ERCC6L2: variants seen among roughly 807,000 people sequenced by gnomAD.
ERCC6L2 encodes ERCC excision repair 6 like 2.
In ERCC6L2, 77 loss-of-function variants were observed where a neutral mutation model predicts 132.0. The ratio of observed to expected loss-of-function variants is 0.58; its 90% CI spans 0.49 to 0.71. ERCC6L2 has a LOEUF of 0.71. ERCC6L2 is among the 30% of genes least tolerant of loss of function. The pLI is 0.00. For missense variants in ERCC6L2, 1,542 were observed against 1,837.6 expected, an observed-to-expected ratio of 0.84 and a Z score of 2.94; for synonymous variants, 583 against 632.4, an observed-to-expected ratio of 0.92 and a Z score of 1.17.
chr9:95,941,344 T>C, intron 11 of ERCC6L2, 110 bp from the exon 12 acceptor site: 1 of 652,080 alleles, frequency 1.5e-6, no homozygotes, highest in East Asian at 2.7e-5. Flanking sequence ...TTGATGAAAT[T>C]AATGCAATAT....
rs1827241755 is a variant in ERCC6L2, at chr9:95,876,048, T to C, written c.10T>C (p.Ser4Pro). 1 of 1,588,552 alleles carries C rather than the reference T, an allele frequency of 6.3e-7. No individual in the cohort carries two copies. Among genetic ancestry groups the C allele is most frequent in the African/African-American group, 1.3e-5 (1 of 74,240 alleles). ...CCCTCCCCCTGGCCGGATGGATCCG[T>C]CGGCGCCACAGCCCCGCGCGGAAAC... is the stretch of plus-strand genomic sequence containing the variant. MDP[S>P]APQPRAETSG... is the part of the protein sequence containing the mutation. Residue 4 changes from serine to proline, a missense_variant, in exon 1 of 19, where the codon TCG (serine) becomes CCG (proline). Ser to Pro is a moderately conservative substitution (Grantham distance 74). This residue lies in a region of ERCC6L2 where 153 missense variants were observed against 132.3 expected (regional missense o/e 1.16). Coordinates refer to ENST00000653738, the MANE Select transcript of ERCC6L2 (RefSeq NM_020207.7).
intron 17 of ERCC6L2, among the ~76,000 whole-genome samples, chr9:95,992,902 T>G (rs1259288704): frequency 1.3e-5 from 2 of 152,222 alleles, no homozygotes; most frequent in African/African-American, 4.8e-5. Flanking sequence ...AGGTATTATT[T>G]CATATGAGGT....
chr9:96,013,344 A>G lies in ERCC6L2; in HGVS notation c.*141A>G. 1 of 636,236 alleles carries G rather than the reference A, an allele frequency of 1.6e-6. No individual in the cohort carries two copies. The highest frequency in any genetic ancestry group is 2.3e-6 in the Non-Finnish European group (1 of 439,498). The allele number at this position is 636,236 out of a possible 1,614,324, so 39.4% of individuals were successfully genotyped here. On this transcript the variant is annotated 3_prime_UTR_variant, in exon 19 of 19. Coordinates refer to ENST00000653738, the MANE Select transcript of ERCC6L2 (RefSeq NM_020207.7). ...ATTGCTTTAGGATTTTTTGAAGTCTAAAGTATTGTCATGGATCTGTTTTTC... is the reference window on the plus strand; with the variant it reads ...ATTGCTTTAGGATTTTTTGAAGTCTGAAGTATTGTCATGGATCTGTTTTTC...
At chr9:96,036,770 TTTA>T (rs1564314556) in intron 19 of ERCC6L2, among the ~76,000 whole-genome samples, 2 of 116,620 alleles carry the variant, frequency 1.7e-5, no homozygotes, top group African/African-American at 6.1e-5. Flanking sequence ...ATTATTTTTA[TTTA>T]TTTTTTTTTT....
At chr9:95,953,037 A>G (rs1056213629) in intron 12 of ERCC6L2, among the ~76,000 whole-genome samples, 7 of 152,252 alleles carry the variant, frequency 4.6e-5, no homozygotes, top group Middle Eastern at 6.8e-3. Context: ...ATTCACAAAG[A>G]CAGAAAAGAG....
In ERCC6L2 at chr9:95,875,711, G is replaced by T. The variant is rs1186122318; in HGVS notation, c.-328G>T. ...AAGTCAGAGCCTAGGAAGATTTGGG[G>T]GTCGCCTTGCCGGCCTCCTGTCCTC... On this transcript the variant is annotated 5_prime_UTR_variant, in exon 1 of 19. Coordinates refer to ENST00000653738, the MANE Select transcript of ERCC6L2 (RefSeq NM_020207.7). The T allele has an allele frequency of 2.2e-5, 9 of 416,902 alleles. No individual in the cohort carries two copies. Among genetic ancestry groups the T allele is most frequent in the African/African-American group, 1.4e-4 (7 of 49,676 alleles). 25.8% of individuals were successfully genotyped at this position (416,902 alleles called of 1,614,324 possible). A position where few individuals can be genotyped will look rare whatever the true frequency, so the allele number is the denominator to read the frequency against.
chr9:95,882,253 T>C (rs996572290), intron 2 of ERCC6L2, among the ~76,000 whole-genome samples: 6 of 152,182 alleles, frequency 3.9e-5, no homozygotes, highest in Non-Finnish European at 8.8e-5. Context: ...CCCTTCACTT[T>C]TGTCACATTC....
In ERCC6L2 at chr9:95,897,742, A is replaced by G. The variant is rs1018838436; in HGVS notation, c.472-107A>G. 5 of 1,131,416 alleles carry G rather than the reference A, an allele frequency of 4.4e-6. No homozygotes were observed. In the African/African-American group the frequency reaches 4.8e-5, roughly 11 times the overall value. 70.1% of individuals were successfully genotyped at this position (1,131,416 alleles called of 1,614,324 possible). The stretch of plus-strand genomic sequence containing the variant: ...TTTCATGTTCTATTTCCCCCAACAA[A>G]TCTCTTTGTACATACTTTGTCACTA... On this transcript the variant is annotated intron_variant, in intron 2 of 18. Transcript: ENST00000653738.
intron 17 of ERCC6L2, among the ~76,000 whole-genome samples, chr9:95,991,102 G>A (rs1833283432): frequency 6.6e-6 from 1 of 151,772 alleles, no homozygotes; most frequent in Admixed American, 6.6e-5. Context: ...GTGTTGCTCT[G>A]CCAGCTAAGT....
rs1389710533 is a variant in ERCC6L2, at chr9:96,013,076, C to T, written c.4526C>T (p.Ala1509Val). ...ACTCTGTGTGAAAAAGCACCTCTAGCAGCACCCTTTAAAAGGAGAGAAGAG... is the reference window on the plus strand; with the variant it reads ...ACTCTGTGTGAAAAAGCACCTCTAGTAGCACCCTTTAAAAGGAGAGAAGAG... ...IETLCEKAPLAAPFKRREEPA... is the reference protein window; with the variant it reads ...IETLCEKAPLVAPFKRREEPA... The change falls in exon 19 of 19, where the codon GCA becomes GTA. Residue 1509 changes from alanine to valine, a missense_variant. By Grantham distance (64) the Ala-to-Val change is moderately conservative (BLOSUM62 0). Coordinates refer to ENST00000653738, the MANE Select transcript of ERCC6L2 (RefSeq NM_020207.7). The T allele has an allele frequency of 7.3e-7, 1 of 1,367,658 alleles. No homozygotes were observed. Among genetic ancestry groups the T allele is most frequent in the East Asian group, 4.5e-5 (1 of 21,984 alleles). 84.7% of individuals were successfully genotyped at this position (1,367,658 alleles called of 1,614,324 possible).
At chr9:95,998,086 G>C (rs1295434256) in intron 17 of ERCC6L2, among the ~76,000 whole-genome samples, 1 of 152,074 alleles carries the variant, frequency 6.6e-6, no homozygotes, top group African/African-American at 2.4e-5. Flanking sequence ...ACTCTTTCTG[G>C]CCATATACAC....
At chr9:96,001,312 C>T (rs1176748838) in intron 17 of ERCC6L2, among the ~76,000 whole-genome samples, 3 of 152,168 alleles carry the variant, frequency 2.0e-5, no homozygotes, top group Non-Finnish European at 2.9e-5. Context: ...TTATCTGGCC[C>T]CACCCACATC....
intron 8 of ERCC6L2, among the ~76,000 whole-genome samples, 158 bp from the exon 9 acceptor site, chr9:95,923,102 T>A (rs1269292665): frequency 6.6e-6 from 1 of 152,204 alleles, no homozygotes; most frequent in Admixed American, 6.6e-5. Context: ...AACATATAAC[T>A]TTAAGAGTTT....
At chr9:96,012,001 C>G (rs1159165679) in intron 18 of ERCC6L2, among the ~76,000 whole-genome samples, 4 of 152,176 alleles carry the variant, frequency 2.6e-5, no homozygotes, top group African/African-American at 7.2e-5. Context: ...AAATAACTTA[C>G]AAAGCTGGTG....
chr9:95,928,811 T>A lies in ERCC6L2; in HGVS notation c.1698T>A (p.Ile566=). 1 of 1,612,730 alleles carries A rather than the reference T, an allele frequency of 6.2e-7. No individual in the cohort carries two copies. ...GSTKSEERLK[I]VKEFNSTQDV... Reference sequence around the variant, plus strand: ...CAAAATCAGAGGAAAGACTCAAGATTGTAAAAGAGTTCAACAGTACACAAG... The same window carrying A: ...CAAAATCAGAGGAAAGACTCAAGATAGTAAAAGAGTTCAACAGTACACAAG... Residue 566 remains isoleucine, a synonymous_variant, in exon 11 of 19, where the codon ATT becomes ATA. Coordinates refer to ENST00000653738, the MANE Select transcript of ERCC6L2 (RefSeq NM_020207.7).
intron 19 of ERCC6L2, among the ~76,000 whole-genome samples, chr9:96,034,570 T>G (rs890329354): frequency 3.3e-5 from 5 of 152,082 alleles, no homozygotes; most frequent in African/African-American, 1.2e-4. Flanking sequence ...GCAAGAGCAT[T>G]ATGAGCAAAA....
chr9:95,945,965 CAT>C (rs1831041725), intron 12 of ERCC6L2, among the ~76,000 whole-genome samples: 1 of 151,658 alleles, frequency 6.6e-6, no homozygotes, highest in African/African-American at 2.4e-5. Context: ...TATTATGAAA[CAT>C]ATATGTAAAT....
At chr9:96,010,160 T>C (rs1833980820) in intron 18 of ERCC6L2, among the ~76,000 whole-genome samples, 1 of 152,210 alleles carries the variant, frequency 6.6e-6, no homozygotes, top group Admixed American at 6.5e-5. Context: ...GGACAGAAAG[T>C]TGGAGTCATG....
intron 17 of ERCC6L2, among the ~76,000 whole-genome samples, chr9:95,989,331 C>G (rs1026583082): frequency 1.3e-5 from 2 of 152,182 alleles, no homozygotes; most frequent in Non-Finnish European, 2.9e-5. Flanking sequence ...TTCAGGTGAC[C>G]AGCCCCATCC....
Sources: gnomAD v4.1 joint callset for allele counts (sites outside exome capture counted in the v4.1 genomes callset) on GRCh38, gnomAD v4.1.1 for gene constraint, gnomAD v4.1.1 regional missense constraint, MANE v1.5 for transcripts, NCBI Gene and HGNC (gene_info 2026-07-23, HGNC 2026-07-21) for gene names.